COG1: variants seen among roughly 807,000 people sequenced by gnomAD.
COG1 encodes conserved oligomeric Golgi complex subunit 1.
A neutral mutation model predicts 102.2 loss-of-function variants in COG1; 61 were observed. That is an observed-to-expected ratio of 0.60 (90% CI 0.49 to 0.74). The LOEUF is 0.74. COG1 is among the 30% of genes least tolerant of loss of function. COG1 has a pLI of 0.00. For synonymous variants in COG1, 454 were observed against 493.6 expected, an observed-to-expected ratio of 0.92 and a Z score of 1.06; for missense variants, 1,164 against 1,232.1, an observed-to-expected ratio of 0.94 and a Z score of 0.83.
Position 73,199,878 on chromosome 17 carries a change from T to A in COG1, c.927T>A (p.Gly309=), listed in dbSNP as rs2061339913. ...CCTTCTCTTTAGGAAAGGGCACTGG[T>A]GTCCTGCAGGAAGAGATGAAACTCT... The part of the protein sequence containing the change: ...TGQHPAGKGT[G]VLQEEMKLCS... Residue 309 remains glycine, a synonymous_variant, in exon 5 of 14, where the codon GGT becomes GGA. Coordinates refer to ENST00000299886, the MANE Select transcript of COG1 (RefSeq NM_018714.3). 3.1e-6 allele frequency: 5 copies of A among 1,614,026 alleles called. No individual in the cohort carries two copies. Among genetic ancestry groups the A allele is most frequent in the Non-Finnish European group, 4.2e-6 (5 of 1,180,040 alleles).
chr17:73,195,391 T>C (rs1387104807), intron 1 of COG1, among the ~76,000 whole-genome samples: 1 of 151,950 alleles, frequency 6.6e-6, no homozygotes, highest in African/African-American at 2.4e-5. Context: ...GGCAGGTGGA[T>C]TGCTTGATCA....
intron 7 of COG1, 60 bp downstream of exon 7, chr17:73,201,960 C>T (rs1210969012): frequency 6.9e-7 from 1 of 1,458,830 alleles, no homozygotes; most frequent in Non-Finnish European, 9.6e-7. Context: ...CCAGTCTTGC[C>T]AACCTCAATC....
chr17:73,205,881 CTT>C (rs1459765293), intron 10 of COG1: 12 of 736,748 alleles, frequency 1.6e-5, no homozygotes, highest in South Asian at 6.4e-5. Flanking sequence ...TAGGTGGACT[CTT>C]ATTCCCCTCT....
chr17:73,207,848 T>A, intron 13 of COG1: 5 of 1,241,396 alleles, frequency 4.0e-6, no homozygotes, highest in Non-Finnish European at 5.2e-6. Flanking sequence ...TAGCAGTGTA[T>A]CCTTTCCGTA....
Position 73,197,265 on chromosome 17 carries a change from T to G in COG1, c.782T>G (p.Leu261Trp). ...GCTCAGATTTGCTCATTAGTGGAGTTGCTGGCCACCACTCTGAAGCAAGCT... is the reference window on the plus strand; with the variant it reads ...GCTCAGATTTGCTCATTAGTGGAGTGGCTGGCCACCACTCTGAAGCAAGCT... ...IKAQICSLVE[L>W]LATTLKQAHA... Residue 261 changes from leucine (L) to tryptophan (W), a missense_variant, in exon 4 of 14, where the codon TTG becomes TGG. Physicochemically the swap from Leu to Trp is moderately conservative, Grantham distance 61 (BLOSUM62 -2). Coordinates refer to ENST00000299886, the MANE Select transcript of COG1 (RefSeq NM_018714.3). The G allele has an allele frequency of 1.9e-6, 3 of 1,614,230 alleles. No homozygotes were observed. Among genetic ancestry groups the G allele is most frequent in the Non-Finnish European group, 2.5e-6 (3 of 1,180,040 alleles).
chr17:73,203,752 G>A lies in COG1; in HGVS notation c.2341G>A (p.Val781Ile). The change falls in exon 9 of 14, where the codon GTA becomes ATA. Residue 781 changes from valine to isoleucine, a missense_variant. Physicochemically the swap from Val to Ile is conservative, Grantham distance 29 (BLOSUM62 3). Coordinates refer to ENST00000299886, the MANE Select transcript of COG1 (RefSeq NM_018714.3). The part of the protein sequence containing the change: ...EMLKSCMVQV[V>I]AAYEKLSEEK... The stretch of plus-strand genomic sequence containing the variant: ...GCTGAAAAGCTGTATGGTTCAAGTA[G>A]TAGCTGCCTATGAGAAACTCTCCGA... 6.2e-7 allele frequency: 1 copy of A among 1,614,226 alleles called. No homozygotes were observed. The highest frequency in any genetic ancestry group is 1.3e-5 in the African/African-American group (1 of 75,070).
chr17:73,201,047 C>A (rs935124894), intron 6 of COG1, 62 bp from the exon 7 acceptor site: 45 of 1,455,810 alleles, frequency 3.1e-5, no homozygotes, highest in Non-Finnish European at 4.2e-5. Flanking sequence ...CCATTTGGTA[C>A]TTTTGTTTTG....
In COG1 at chr17:73,196,695, C is replaced by T. The variant is rs773716192; in HGVS notation, c.504C>T (p.Pro168=). 19 of 1,614,052 alleles carry T rather than the reference C, an allele frequency of 1.2e-5. No homozygotes were observed. The highest frequency in any genetic ancestry group is 1.6e-4 in the Middle Eastern group (1 of 6,084). Residue 168 remains proline, a synonymous_variant, in exon 2 of 14, where the codon CCC becomes CCT. Coordinates refer to ENST00000299886, the MANE Select transcript of COG1 (RefSeq NM_018714.3). ...QLDSSSSRYS[P]VLSRFPILIR... ...ATTCTTCTAGTTCCCGATACAGTCC[C>T]GTCCTCTCCCGGTTTCCTATACTCA...
chr17:73,195,791 C>A (rs576282361), intron 1 of COG1, among the ~76,000 whole-genome samples: 1 of 152,082 alleles, frequency 6.6e-6, no homozygotes, highest in African/African-American at 2.4e-5. Context: ...CACGCACCTG[C>A]GATCCCAGCT....
rs2061356716 is a variant in COG1 at position 73,203,756 on chromosome 17, C to T, written c.2345C>T (p.Ala782Val). 1.2e-6 allele frequency: 2 copies of T among 1,614,214 alleles called. No homozygotes were observed. The highest frequency in any genetic ancestry group is 1.7e-6 in the Non-Finnish European group (2 of 1,180,036). The part of the protein sequence containing the change: ...MLKSCMVQVV[A>V]AYEKLSEEKQ... ...AAAAGCTGTATGGTTCAAGTAGTAG[C>T]TGCCTATGAGAAACTCTCCGAAGAA... Residue 782 changes from alanine (A) to valine (V), a missense_variant, in exon 9 of 14, where the codon GCT becomes GTT. Coordinates refer to ENST00000299886, the MANE Select transcript of COG1 (RefSeq NM_018714.3).
intron 13 of COG1, chr17:73,207,539 G>C: frequency 8.2e-6 from 5 of 609,322 alleles, no homozygotes; most frequent in East Asian, 3.9e-5. Context: ...TAGGGTGAAA[G>C]AGTTAACTGC....
Position 73,200,734 on chromosome 17 carries a change from C to T in COG1, c.1239C>T (p.Phe413=), listed in dbSNP as rs1413107724. ...GGCTTCTGGAGAAGCCGCTCTTGTTCTGGGAAGATATGATGCAGCAACTGT... is the reference window on the plus strand; with the variant it reads ...GGCTTCTGGAGAAGCCGCTCTTGTTTTGGGAAGATATGATGCAGCAACTGT... ...CRRLLEKPLL[F]WEDMMQQLFL... The change falls in exon 6 of 14, where the codon TTC becomes TTT. Residue 413 remains phenylalanine, a synonymous_variant. Transcript: ENST00000299886. 1 of 1,610,600 alleles carries T rather than the reference C, an allele frequency of 6.2e-7. No individual in the cohort carries two copies.
At chr17:73,205,395 T>G in intron 9 of COG1, 158 bp from the exon 10 acceptor site, 1 of 757,240 alleles carries the variant, frequency 1.3e-6, no homozygotes, top group South Asian at 1.6e-5. Flanking sequence ...CTAACAAAAT[T>G]TGTTTTGTTG....
Position 73,193,216 on chromosome 17 carries a change from G to A in COG1, c.147G>A (p.Arg49=). Residue 49 remains arginine, a synonymous_variant, in exon 1 of 14, where the codon CGG becomes CGA. Coordinates refer to ENST00000299886, the MANE Select transcript of COG1 (RefSeq NM_018714.3). ...AEIEHKKEEL[R]QMVGERYRDL... Reference sequence around the variant, plus strand: ...TCGAGCACAAGAAGGAGGAGCTGCGGCAGATGGTGGGCGAACGGTACCGCG... The same window carrying A: ...TCGAGCACAAGAAGGAGGAGCTGCGACAGATGGTGGGCGAACGGTACCGCG... 1.2e-6 allele frequency: 2 copies of A among 1,608,924 alleles called. No homozygotes were observed. Among genetic ancestry groups the A allele is most frequent in the Non-Finnish European group, 1.7e-6 (2 of 1,178,118 alleles).
chr17:73,202,230 T>G (rs2061350130), intron 7 of COG1, among the ~76,000 whole-genome samples: 1 of 152,088 alleles, frequency 6.6e-6, no homozygotes, highest in South Asian at 2.1e-4. Flanking sequence ...TCCCAGCTAC[T>G]CGGAAGGCTG....
At position 73,205,687 on chromosome 17, in the gene COG1, T is replaced by C. The variant is rs2061367262; in HGVS notation, c.2510+7T>C. 4 of 1,613,350 alleles carry C rather than the reference T, an allele frequency of 2.5e-6. No homozygotes were observed. Reference sequence around the variant, plus strand: ...GGAGCAAGCCAGACTCCAGGTGTCGTATCCTCTAGGGAGCTATGTCAAGGC... The same window carrying C: ...GGAGCAAGCCAGACTCCAGGTGTCGCATCCTCTAGGGAGCTATGTCAAGGC... On this transcript the variant is annotated splice_region_variant and intron_variant, in intron 10 of 13. Transcript: ENST00000299886.
rs1329681303 is a variant in COG1, at chr17:73,207,800, C to T, written c.2806-514C>T. On this transcript the variant is annotated intron_variant, in intron 13 of 13. Coordinates refer to ENST00000299886, the MANE Select transcript of COG1 (RefSeq NM_018714.3). ...AAAGCTCAAACAGCTTGTCTTCTTA[C>T]AGCATCGAGTTGTTTGCTTTATTGT... 81 of 1,287,070 alleles carry T rather than the reference C, an allele frequency of 6.3e-5. No individual in the cohort carries two copies. The Admixed American group carries it at 1.4e-3, about 21-fold the overall frequency. The allele number at this position is 1,287,070 out of a possible 1,614,324, so 79.7% of individuals were successfully genotyped here.
At chr17:73,203,258 C>A in intron 8 of COG1, 112 bp downstream of exon 8, 2 of 1,361,860 alleles carry the variant, frequency 1.5e-6, no homozygotes, top group African/African-American at 1.4e-5. Flanking sequence ...AAAGTAACAT[C>A]TGTAATTTTC....
intron 9 of COG1, among the ~76,000 whole-genome samples, chr17:73,204,016 A>G (rs1180657760): frequency 1.3e-5 from 2 of 152,152 alleles, no homozygotes; most frequent in Admixed American, 1.3e-4. Flanking sequence ...CTAAGAAGGC[A>G]GCTCAGCACA....
Sources: allele counts gnomAD v4.1 joint callset (sites outside exome capture counted in the v4.1 genomes callset), GRCh38; gene constraint gnomAD v4.1.1; transcripts MANE v1.5; gene names NCBI Gene and HGNC (gene_info 2026-07-23, HGNC 2026-07-21).